The following GPC5 variants were observed in gnomAD, a reference collection of about 807,000 sequenced individuals.
GPC5 encodes the protein glypican-5.
A neutral mutation model predicts 53.9 loss-of-function variants in GPC5; 47 were observed. The ratio of observed to expected loss-of-function variants is 0.87; its 90% CI spans 0.69 to 1.11. The LOEUF (loss-of-function observed/expected upper bound fraction) is 1.11, where lower values mean the gene tolerates loss of function less well. Among genes scored for constraint, GPC5 ranks in the 50% most tolerant of loss-of-function variants. The pLI is 0.00. For synonymous variants in GPC5, 286 were observed against 263.3 expected (o/e 1.09, Z -0.84); for missense variants, 748 against 713.1 (o/e 1.05, Z -0.56).
chr13:91,780,237 T>A lies in GPC5; in HGVS notation c.1280+23817T>A, dbSNP rs1017570245. The stretch of plus-strand genomic sequence containing the variant: ...CAGTGAATGACTTTATAATTCCTTA[T>A]ATATATCATTTGCCTTCCAGCTCCA... On this transcript the variant is annotated intron_variant, in intron 5 of 7. Transcript: ENST00000377067. 2.6e-5 allele frequency among the ~76,000 whole-genome samples: 4 copies of A among 152,218 alleles called. No individual in the cohort carries two copies. The South Asian group carries it at 8.3e-4, about 32-fold the overall frequency.
At position 92,497,909 on chromosome 13, in the gene GPC5, A is replaced by G. The variant is rs536927696; in HGVS notation, c.1561+352920A>G. 1.6e-4 allele frequency among the ~76,000 whole-genome samples: 25 copies of G among 152,084 alleles called. No homozygotes were observed. In the East Asian group the frequency reaches 4.1e-3, roughly 25 times the overall value. On this transcript the variant is annotated intron_variant, in intron 7 of 7. Transcript: ENST00000377067. ...CTCTCTGCTTGTCTATTCTTGGTATATAGGAATGCTTGTGATTTTTGCACA... is the reference window on the plus strand; with the variant it reads ...CTCTCTGCTTGTCTATTCTTGGTATGTAGGAATGCTTGTGATTTTTGCACA...
intron 7 of GPC5, among the ~76,000 whole-genome samples, chr13:92,398,061 T>C (rs1291517824): frequency 6.6e-6 from 1 of 152,164 alleles, no homozygotes; most frequent in Non-Finnish European, 1.5e-5. Flanking sequence ...TAATAAGTTT[T>C]AGATTACCAC....
chr13:92,395,846 G>A (rs1238249614), intron 7 of GPC5, among the ~76,000 whole-genome samples: 1 of 149,800 alleles, frequency 6.7e-6, no homozygotes, highest in East Asian at 1.9e-4. Flanking sequence ...CTTCTTTCAG[G>A]ATTTTCTCTT....
At chr13:92,722,212 T>C (rs772180907) in intron 7 of GPC5, among the ~76,000 whole-genome samples, 6 of 152,004 alleles carry the variant, frequency 3.9e-5, no homozygotes, top group Non-Finnish European at 7.4e-5. Flanking sequence ...AAAACAAATA[T>C]GATTATAAAG....
At chr13:92,515,485 A>G (rs1265152856) in intron 7 of GPC5, among the ~76,000 whole-genome samples, 1 of 152,204 alleles carries the variant, frequency 6.6e-6, no homozygotes, top group African/African-American at 2.4e-5. Context: ...ACCCAGTTAG[A>G]TGCTTGGGAA....
At chr13:91,700,259 T>A (rs2035965467) in intron 3 of GPC5, among the ~76,000 whole-genome samples, 1 of 152,172 alleles carries the variant, frequency 6.6e-6, no homozygotes, top group Non-Finnish European at 1.5e-5. Flanking sequence ...AGTCCAAAAT[T>A]CTTTAGGGGC....
At chr13:92,253,739 A>C (rs2042707737) in intron 7 of GPC5, among the ~76,000 whole-genome samples, 1 of 152,142 alleles carries the variant, frequency 6.6e-6, no homozygotes, top group African/African-American at 2.4e-5. Context: ...GAATAACATG[A>C]CTTGAAAGAT....
chr13:91,597,371 G>A (rs2033032027), intron 2 of GPC5, among the ~76,000 whole-genome samples: 1 of 151,950 alleles, frequency 6.6e-6, no homozygotes, highest in Non-Finnish European at 1.5e-5. Flanking sequence ...TAACTTACTT[G>A]TAATTTGCAA....
At chr13:92,225,599 A>T (rs1447397341) in intron 7 of GPC5, among the ~76,000 whole-genome samples, 2 of 152,222 alleles carry the variant, frequency 1.3e-5, no homozygotes, top group African/African-American at 4.8e-5. Context: ...AATAACATAC[A>T]TGAGCTTTTG....
intron 5 of GPC5, among the ~76,000 whole-genome samples, chr13:91,804,304 A>G (rs2038185465): frequency 6.6e-6 from 1 of 151,810 alleles, no homozygotes; most frequent in Admixed American, 6.6e-5. Flanking sequence ...TGTTTGCTGC[A>G]TGTTTTCCCA....
At chr13:91,650,987 T>C (rs1206084233) in intron 2 of GPC5, among the ~76,000 whole-genome samples, 2 of 152,134 alleles carry the variant, frequency 1.3e-5, no homozygotes, top group African/African-American at 4.8e-5. Context: ...GTCATTGATA[T>C]AAATTCAAGT....
chr13:91,695,079 T>C (rs163930), intron 3 of GPC5, among the ~76,000 whole-genome samples: 30,071 of 152,128 alleles, frequency 0.2, 3,647 homozygotes, highest in African/African-American at 0.33. Context: ...AAATGACACC[T>C]CCTTTAGGTG....
intron 2 of GPC5, among the ~76,000 whole-genome samples, chr13:91,636,055 A>C (rs947293484): frequency 7.2e-5 from 11 of 151,978 alleles, no homozygotes; most frequent in Middle Eastern, 3.4e-3. Context: ...TTATATTTTT[A>C]TTTAACAGCG....
In GPC5 at chr13:92,817,876, T is replaced by A. The variant is rs138524874; in HGVS notation, c.1562-48406T>A. 8.6e-4 allele frequency among the ~76,000 whole-genome samples: 131 copies of A among 152,104 alleles called. 1 individual carries two copies. Among genetic ancestry groups the A allele is most frequent in the African/African-American group, 3.0e-3 (125 of 41,374 alleles). ...TAATGAAAAAATATTCTGGGCTTTT[T>A]AATTTGTCTCTTGAATATTCTGAAT... On this transcript the variant is annotated intron_variant, in intron 7 of 7. Transcript: ENST00000377067.
At chr13:91,966,680 C>T (rs538849383) in intron 6 of GPC5, among the ~76,000 whole-genome samples, 25 of 152,214 alleles carry the variant, frequency 1.6e-4, no homozygotes, top group African/African-American at 5.8e-4. Context: ...AGTTTAGTTA[C>T]CTTAAGTAGA....
At chr13:92,410,382 C>T (rs1159297299) in intron 7 of GPC5, among the ~76,000 whole-genome samples, 4 of 152,120 alleles carry the variant, frequency 2.6e-5, no homozygotes, top group African/African-American at 9.7e-5. Flanking sequence ...CAATCTGTTG[C>T]CTAACCTACA....
At chr13:91,503,407 C>A (rs1884754664) in intron 2 of GPC5, among the ~76,000 whole-genome samples, 2 of 151,926 alleles carry the variant, frequency 1.3e-5, no homozygotes. Context: ...GTAAAACAAG[C>A]AAATAAAAAG....
chr13:91,880,770 ATTTTTTGTTTGTTTGGGG>A (rs2039255557), intron 5 of GPC5, among the ~76,000 whole-genome samples: 1 of 151,976 alleles, frequency 6.6e-6, no homozygotes, highest in Non-Finnish European at 1.5e-5. Context: ...TTATAGTAAC[ATTTTTTGTTTGTTTGGGG>A]TTTTTTGTTT....
At chr13:91,476,913 A>G (rs922247574) in intron 2 of GPC5, among the ~76,000 whole-genome samples, 4 of 152,348 alleles carry the variant, frequency 2.6e-5, no homozygotes, top group Middle Eastern at 3.4e-3. Context: ...CAAAGCCAGC[A>G]GTGATCCATA....
Sources: allele counts gnomAD v4.1 joint callset (sites outside exome capture counted in the v4.1 genomes callset), GRCh38; gene constraint gnomAD v4.1.1; transcripts MANE v1.5; gene names NCBI Gene and HGNC (gene_info 2026-07-23, HGNC 2026-07-21).